LIMD1: variants seen among roughly 807,000 people sequenced by gnomAD.
The protein encoded by LIMD1 is LIM domain containing 1, also known as LIM domain-containing protein 1.
Under a neutral mutation model 58.4 loss-of-function variants are expected in LIMD1, and 23 were observed. The observed-to-expected ratio is 0.39, with a 90% CI of 0.28 to 0.56. The LOEUF is 0.56. Among genes scored for constraint, LIMD1 ranks in the 20% least tolerant of loss-of-function variants. The probability of loss-of-function intolerance (pLI) is 0.57; values close to 1 mark genes in which losing one functional copy is unlikely to be tolerated. For synonymous variants in LIMD1, 334 were observed against 345.5 expected, an observed-to-expected ratio of 0.97 and a Z score of 0.37; for missense variants, 838 against 855.5, an observed-to-expected ratio of 0.98 and a Z score of 0.25.
At chr3:45,614,437 C>T (rs1435589019) in intron 1 of LIMD1, among the ~76,000 whole-genome samples, 2 of 150,156 alleles carry the variant, frequency 1.3e-5, no homozygotes, top group Non-Finnish European at 1.5e-5. Context: ...AGGAAATCCT[C>T]TGCCCGGGTG....
intron 1 of LIMD1, among the ~76,000 whole-genome samples, chr3:45,603,413 C>T (rs1050351480): frequency 1.3e-5 from 2 of 151,864 alleles, no homozygotes; most frequent in African/African-American, 4.8e-5. Context: ...GACAGAAGCT[C>T]AACAGCTGTG....
chr3:45,632,291 A>G (rs1265482139), intron 1 of LIMD1, among the ~76,000 whole-genome samples: 1 of 152,308 alleles, frequency 6.6e-6, no homozygotes, highest in South Asian at 2.1e-4. Flanking sequence ...AACCTAACTC[A>G]TATCTTGACA....
chr3:45,605,567 T>G (rs1701460800), intron 1 of LIMD1, among the ~76,000 whole-genome samples: 1 of 152,186 alleles, frequency 6.6e-6, no homozygotes, highest in Admixed American at 6.5e-5. Flanking sequence ...CTTGGATCTC[T>G]GGCCAAATGT....
chr3:45,641,549 C>T (rs1701842769), intron 2 of LIMD1, among the ~76,000 whole-genome samples: 1 of 150,120 alleles, frequency 6.7e-6, no homozygotes, highest in South Asian at 2.1e-4. Context: ...TAGCATATGG[C>T]ATATGGAGGT....
rs529726580 is a variant in LIMD1, at chr3:45,617,092, G to A, written c.1409-19058G>A. Among the ~76,000 whole-genome samples, 4 of 147,506 alleles carry A rather than the reference G, an allele frequency of 2.7e-5. No homozygotes were observed. In the South Asian group the frequency reaches 8.6e-4, roughly 32 times the overall value. On this transcript the variant is annotated intron_variant, in intron 1 of 7. Coordinates refer to ENST00000273317, the MANE Select transcript of LIMD1 (RefSeq NM_014240.3). ...TCTGTCGCCCAGGCTGGAGTGCAGT[G>A]GCACCATCTCAGCTCACTGCAGCCT...
chr3:45,603,120 C>T (rs1054660077), intron 1 of LIMD1, among the ~76,000 whole-genome samples: 1 of 152,234 alleles, frequency 6.6e-6, no homozygotes, highest in East Asian at 1.9e-4. Context: ...GGATTACAGG[C>T]GTGAGCCACT....
At chr3:45,636,013 C>A (rs138691146) in intron 1 of LIMD1, 137 bp from the exon 2 acceptor site, 15 of 1,530,154 alleles carry the variant, frequency 9.8e-6, no homozygotes, top group Middle Eastern at 1.7e-4. Context: ...AAAGACACTT[C>A]AAATGAGTCA....
At chr3:45,658,727 G>C (rs1245306048) in intron 2 of LIMD1, among the ~76,000 whole-genome samples, 1 of 151,274 alleles carries the variant, frequency 6.6e-6, no homozygotes, top group Non-Finnish European at 1.5e-5. Flanking sequence ...GGCTAATTTT[G>C]TATTTTTAGT....
At chr3:45,675,256 G>A (rs114364388) in intron 7 of LIMD1, among the ~76,000 whole-genome samples, 6,493 of 152,278 alleles carry the variant, frequency 0.043, 459 homozygotes, top group African/African-American at 0.15. Flanking sequence ...GGGGCCGGGC[G>A]CGATAGCTCA....
rs1250549074 is a variant in LIMD1, at chr3:45,674,364, G to A, written c.1846G>A (p.Val616Ile). 1.9e-6 allele frequency: 3 copies of A among 1,613,846 alleles called. No homozygotes were observed. The highest frequency in any genetic ancestry group is 2.2e-5 in the East Asian group (1 of 44,854). The change falls in exon 7 of 8, where the codon GTC (valine) becomes ATC (isoleucine). Residue 616 changes from valine to isoleucine, a missense_variant. Val to Ile is a conservative substitution (Grantham distance 29). Transcript: ENST00000273317. ...CCAGGGCTCAGATGAGACCATCCGT[G>A]TCGTGTCCATGGACAGAGACTACCA... ...PPEGSDETIRVVSMDRDYHVE... is the reference protein window; with the variant it reads ...PPEGSDETIRIVSMDRDYHVE...
At chr3:45,641,054 C>T (rs919503438) in intron 2 of LIMD1, among the ~76,000 whole-genome samples, 1 of 152,114 alleles carries the variant, frequency 6.6e-6, no homozygotes, top group African/African-American at 2.4e-5. Context: ...AGGAGGCACC[C>T]GGGAGCTCTG....
chr3:45,673,500 C>G lies in LIMD1; in HGVS notation c.1819C>G (p.Pro607Ala). Reference sequence around the variant, plus strand: ...AGCCTGTGGGCTTCCCATCCTTCCACCTGAGGTAAGATGCCCTTCCAGACA... The same window carrying G: ...AGCCTGTGGGCTTCCCATCCTTCCAGCTGAGGTAAGATGCCCTTCCAGACA... ...CAACGLPILP[P>A]EGSDETIRVV... Residue 607 changes from proline to alanine, a missense_variant, in exon 6 of 8, where the codon CCT becomes GCT. By Grantham distance (27) the Pro-to-Ala change is conservative. This residue lies in a region of LIMD1 where 174 missense variants were observed against 197.4 expected (regional missense o/e 0.88). Transcript: ENST00000273317. 6.2e-7 allele frequency: 1 copy of G among 1,613,544 alleles called. No homozygotes were observed. The highest frequency in any genetic ancestry group is 2.2e-5 in the East Asian group (1 of 44,878).
At chr3:45,627,199 C>T (rs1701675686) in intron 1 of LIMD1, among the ~76,000 whole-genome samples, 1 of 152,122 alleles carries the variant, frequency 6.6e-6, no homozygotes, top group African/African-American at 2.4e-5. Context: ...ATGCTGCCAT[C>T]ACTGAGCTGG....
intron 1 of LIMD1, among the ~76,000 whole-genome samples, chr3:45,597,985 GTTTA>G (rs1024894516): frequency 6.6e-6 from 1 of 152,072 alleles, no homozygotes; most frequent in Non-Finnish European, 1.5e-5. Flanking sequence ...TTATTTATTT[GTTTA>G]TTTATTTATT....
chr3:45,664,887 G>T (rs1054068378), intron 2 of LIMD1, among the ~76,000 whole-genome samples: 7 of 152,194 alleles, frequency 4.6e-5, no homozygotes, highest in African/African-American at 1.7e-4. Flanking sequence ...TTGAGTATGT[G>T]TTGAGCCTAG....
chr3:45,654,828 A>AG (rs200072051), intron 2 of LIMD1, among the ~76,000 whole-genome samples: 1 of 147,438 alleles, frequency 6.8e-6, no homozygotes, highest in South Asian at 2.1e-4. Context: ...AAAAAAAAAA[A>AG]AAAAAAGAAA....
chr3:45,600,297 G>A (rs1701398471), intron 1 of LIMD1, among the ~76,000 whole-genome samples: 1 of 152,162 alleles, frequency 6.6e-6, no homozygotes, highest in African/African-American at 2.4e-5. Flanking sequence ...TTGAACTGAA[G>A]GTGTCCCTTT....
chr3:45,649,696 A>T (rs1701944158), intron 2 of LIMD1, among the ~76,000 whole-genome samples: 1 of 133,286 alleles, frequency 7.5e-6, no homozygotes, highest in South Asian at 2.2e-4. Flanking sequence ...AAAAAAAATT[A>T]TATATATGTA....
intron 3 of LIMD1, among the ~76,000 whole-genome samples, chr3:45,665,919 G>A (rs1011035443): frequency 6.6e-6 from 1 of 152,160 alleles, no homozygotes; most frequent in Non-Finnish European, 1.5e-5. Flanking sequence ...AGGAACTGTG[G>A]GGTCACTTGG....
Sources: gnomAD v4.1 joint callset for allele counts (sites outside exome capture counted in the v4.1 genomes callset) on GRCh38, gnomAD v4.1.1 for gene constraint, gnomAD v4.1.1 regional missense constraint, MANE v1.5 for transcripts, NCBI Gene and HGNC (gene_info 2026-07-23, HGNC 2026-07-21) for gene names.